The following RALGAPB variants were observed in gnomAD, a reference collection of about 807,000 sequenced individuals.
The protein encoded by RALGAPB is ral GTPase-activating protein subunit beta.
In RALGAPB, 25 loss-of-function variants were observed where a neutral mutation model predicts 161.1. The observed-to-expected ratio is 0.16, with a 90% CI of 0.11 to 0.22. The LOEUF is 0.22. RALGAPB is among the 10% of genes least tolerant of loss of function. The probability of loss-of-function intolerance (pLI) is 1.00; values close to 1 mark genes in which losing one functional copy is unlikely to be tolerated. For synonymous variants in RALGAPB, 629 were observed against 626.1 expected, an observed-to-expected ratio of 1.00 and a Z score of -0.07; for missense variants, 1,391 against 1,815.2, an observed-to-expected ratio of 0.77 and a Z score of 4.25.
intron 5 of RALGAPB, among the ~76,000 whole-genome samples, chr20:38,508,308 C>G (rs565056392): frequency 7.9e-5 from 12 of 151,912 alleles, no homozygotes; most frequent in African/African-American, 2.9e-4. Flanking sequence ...ATTAACATAC[C>G]TAACCTATAA....
intron 15 of RALGAPB, among the ~76,000 whole-genome samples, chr20:38,534,787 T>C (rs763561278): frequency 5.3e-4 from 80 of 152,248 alleles, no homozygotes; most frequent in Non-Finnish European, 8.4e-4. Flanking sequence ...TTAGAAACTT[T>C]AAATTACGTT....
intron 23 of RALGAPB, among the ~76,000 whole-genome samples, chr20:38,559,352 G>C (rs1176816016): frequency 6.6e-6 from 1 of 152,238 alleles, no homozygotes; most frequent in East Asian, 1.9e-4. Context: ...TTCAGTTGAG[G>C]AATGCATAGT....
At position 38,553,958 on chromosome 20, in the gene RALGAPB, A is replaced by C; in HGVS notation, c.3254A>C (p.Gln1085Pro). Residue 1085 changes from glutamine to proline, a missense_variant, in exon 22 of 30, where the codon CAG (glutamine) becomes CCG (proline). By Grantham distance (76) the Gln-to-Pro change is moderately conservative (BLOSUM62 -1). Around this residue, in one of 3 missense-constraint regions of RALGAPB, gnomAD observed 436 missense variants for 527.0 expected, o/e 0.83. Transcript: ENST00000262879. ...GAGCAACAGAGTGAGGAGGAATTGCAGAAGAGAAGTTTTCCTGACCCAGTT... is the reference window on the plus strand; with the variant it reads ...GAGCAACAGAGTGAGGAGGAATTGCCGAAGAGAAGTTTTCCTGACCCAGTT... ...HLEQQSEEEL[Q>P]KRSFPDPVTD... 1 of 1,613,552 alleles carries C rather than the reference A, an allele frequency of 6.2e-7. No individual in the cohort carries two copies. The highest frequency in any genetic ancestry group is 8.5e-7 in the Non-Finnish European group (1 of 1,179,564).
intron 13 of RALGAPB, 23 bp from the exon 14 acceptor site, chr20:38,531,144 A>G: frequency 1.9e-6 from 3 of 1,561,286 alleles, no homozygotes; most frequent in Non-Finnish European, 2.6e-6. Context: ...TTTATATAAA[A>G]TACTGTTTTA....
At chr20:38,494,985 G>A (rs927456165) in intron 3 of RALGAPB, among the ~76,000 whole-genome samples, 11 of 152,210 alleles carry the variant, frequency 7.2e-5, no homozygotes, top group Admixed American at 1.3e-4. Flanking sequence ...TTTCTCAAAA[G>A]TATGTGTGCA....
chr20:38,491,966 A>C (rs986323483), intron 2 of RALGAPB, among the ~76,000 whole-genome samples: 3 of 152,224 alleles, frequency 2.0e-5, no homozygotes, highest in Admixed American at 1.3e-4. Flanking sequence ...GAATTCACTT[A>C]AACTTTCCAG....
At chr20:38,542,948 C>A (rs756521341) in intron 18 of RALGAPB, among the ~76,000 whole-genome samples, 6 of 152,164 alleles carry the variant, frequency 3.9e-5, no homozygotes, top group African/African-American at 7.2e-5. Flanking sequence ...GGGGACATTT[C>A]TCACTAGAAA....
chr20:38,487,905 A>G (rs1057142572), intron 1 of RALGAPB, among the ~76,000 whole-genome samples: 5 of 152,108 alleles, frequency 3.3e-5, no homozygotes, highest in African/African-American at 1.2e-4. Context: ...TGCCTCTACT[A>G]AAAATACAAA....
At chr20:38,555,669 T>C (rs1413661351) in intron 22 of RALGAPB, among the ~76,000 whole-genome samples, 1 of 152,202 alleles carries the variant, frequency 6.6e-6, no homozygotes, top group Non-Finnish European at 1.5e-5. Flanking sequence ...TCTGAGATTA[T>C]AGTTTTCCAC....
intron 22 of RALGAPB, among the ~76,000 whole-genome samples, chr20:38,556,200 T>C (rs1033673866): frequency 1.3e-5 from 2 of 152,188 alleles, no homozygotes; most frequent in African/African-American, 2.4e-5. Context: ...GTAAAAGTTA[T>C]CTATCTTGAC....
At chr20:38,549,098 A>C (rs1011565499) in intron 20 of RALGAPB, among the ~76,000 whole-genome samples, 3 of 152,212 alleles carry the variant, frequency 2.0e-5, no homozygotes, top group South Asian at 2.1e-4. Context: ...TACAAATGTA[A>C]TAAAAGTCAG....
At chr20:38,527,136 G>A (rs1483313328) in intron 13 of RALGAPB, among the ~76,000 whole-genome samples, 1 of 152,226 alleles carries the variant, frequency 6.6e-6, no homozygotes, top group Non-Finnish European at 1.5e-5. Flanking sequence ...CTTGGCAGTG[G>A]TTAGAGGCTT....
Position 38,524,871 on chromosome 20 carries a change from C to G in RALGAPB, c.1713C>G (p.Phe571Leu). 1 of 1,609,090 alleles carries G rather than the reference C, an allele frequency of 6.2e-7. No individual in the cohort carries two copies. Among genetic ancestry groups the G allele is most frequent in the East Asian group, 2.2e-5 (1 of 44,870 alleles). ...TTATTCTAAACTCTCCTCCTTTGTT[C>G]TGCTGTGACTTGAAAGGGATTGATG... ...ASVILNSPPL[F>L]CCDLKGIDVV... Residue 571 changes from phenylalanine to leucine, a missense_variant, in exon 11 of 30, where the codon TTC becomes TTG. By Grantham distance (22) the Phe-to-Leu change is conservative. Transcript: ENST00000262879.
At position 38,516,306 on chromosome 20, in the gene RALGAPB, A is replaced by G. The variant is rs748892481; in HGVS notation, c.987A>G (p.Lys329=). Residue 329 remains lysine (K), a synonymous_variant, in exon 7 of 30, where the codon AAA becomes AAG. Transcript: ENST00000262879. Reference sequence around the variant, plus strand: ...AATTGAATCAGTATCCCTGCCTTAAACATCTGCCTCAAATATTTTTTCGTG... The same window carrying G: ...AATTGAATCAGTATCCCTGCCTTAAGCATCTGCCTCAAATATTTTTTCGTG... ...PQELNQYPCL[K]HLPQIFFRAM... is the part of the protein sequence containing the mutation. 6.2e-7 allele frequency: 1 copy of G among 1,614,110 alleles called. No individual in the cohort carries two copies. The highest frequency in any genetic ancestry group is 1.1e-5 in the South Asian group (1 of 91,048).
Position 38,516,194 on chromosome 20 carries a change from A to G in RALGAPB, c.875A>G (p.Asn292Ser). The G allele has an allele frequency of 6.3e-7, 1 of 1,589,140 alleles. No individual in the cohort carries two copies. Residue 292 changes from asparagine to serine, a missense_variant and splice_region_variant, in exon 7 of 30, where the codon AAT (asparagine) becomes AGT (serine). Around this residue, in one of 3 missense-constraint regions of RALGAPB, gnomAD observed 946 missense variants for 1,257.2 expected, o/e 0.75. Transcript: ENST00000262879. ...AATTCTTTCCTCTCTTTTAATAGTA[A>G]TCCTGTGGATTTGAGTAACCCAGCT... is the stretch of plus-strand genomic sequence containing the variant. The part of the protein sequence containing the change: ...TWFRFLHMLS[N>S]PVDLSNPAII...
chr20:38,478,423 GTTTTTC>G (rs972202605), intron 1 of RALGAPB, among the ~76,000 whole-genome samples: 1 of 151,864 alleles, frequency 6.6e-6, no homozygotes, highest in African/African-American at 2.4e-5. Flanking sequence ...ACCTCAAGTA[GTTTTTC>G]TTTTTTTTTG....
In RALGAPB at chr20:38,516,333, C is replaced by T. The variant is rs772017188; in HGVS notation, c.1014C>T (p.Ala338=). The stretch of plus-strand genomic sequence containing the variant: ...ATCTGCCTCAAATATTTTTTCGTGC[C>T]ATGCGTGGAATCAGCTGTCTGGTGG... The part of the protein sequence containing the change: ...LKHLPQIFFR[A]MRGISCLVDA... Residue 338 remains alanine (A), a synonymous_variant, in exon 7 of 30, where the codon GCC becomes GCT. Coordinates refer to ENST00000262879, the MANE Select transcript of RALGAPB (RefSeq NM_020336.4). 6.2e-7 allele frequency: 1 copy of T among 1,613,972 alleles called. No homozygotes were observed. Among genetic ancestry groups the T allele is most frequent in the Non-Finnish European group, 8.5e-7 (1 of 1,179,956 alleles).
chr20:38,521,441 C>CATGAGCCT (rs2086285503), intron 9 of RALGAPB, 56 bp from the exon 10 acceptor site: 1 of 1,604,272 alleles, frequency 6.2e-7, no homozygotes, highest in Non-Finnish European at 8.5e-7. Context: ...TCCAGGGTCC[C>CATGAGCCT]ATGAGCCTAC....
intron 1 of RALGAPB, among the ~76,000 whole-genome samples, chr20:38,475,052 A>G (rs925814152): frequency 6.6e-6 from 1 of 152,248 alleles, no homozygotes; most frequent in Non-Finnish European, 1.5e-5. Context: ...GCACTCTGTA[A>G]CTAACCATGT....
Sources: allele counts gnomAD v4.1 joint callset (sites outside exome capture counted in the v4.1 genomes callset), GRCh38; gene constraint gnomAD v4.1.1; regional missense constraint gnomAD v4.1.1; transcripts MANE v1.5; gene names NCBI Gene and HGNC (gene_info 2026-07-23, HGNC 2026-07-21).